GSDMB: variants seen among roughly 807,000 people sequenced by gnomAD.
GSDMB encodes the protein gasdermin B, also known as gasdermin-B.
Under a neutral mutation model 42.9 loss-of-function variants are expected in GSDMB, and 32 were observed. That is an observed-to-expected ratio of 0.75 (90% CI 0.56 to 1.00). The LOEUF (loss-of-function observed/expected upper bound fraction) is 1.00. Ranked by LOEUF, GSDMB falls within the 50% of genes least tolerant of loss-of-function variation. The probability of loss-of-function intolerance (pLI) is 0.00; values close to 1 mark genes in which losing one functional copy is unlikely to be tolerated. For missense variants in GSDMB, 468 were observed against 498.5 expected, an observed-to-expected ratio of 0.94 and a Z score of 0.58; for synonymous variants, 175 against 193.7, an observed-to-expected ratio of 0.90 and a Z score of 0.80.
intron 2 of GSDMB, among the ~76,000 whole-genome samples, chr17:39,915,162 G>C (rs942466788): frequency 6.6e-6 from 1 of 152,100 alleles, no homozygotes; most frequent in Admixed American, 6.5e-5. Context: ...AGTAGAGACA[G>C]GGTTTCGCCA....
At chr17:39,915,251 C>T (rs1486848052) in intron 2 of GSDMB, among the ~76,000 whole-genome samples, 1 of 152,210 alleles carries the variant, frequency 6.6e-6, no homozygotes, top group East Asian at 1.9e-4. Context: ...GGATTACAGG[C>T]GCGAGCCACT....
intron 3 of GSDMB, among the ~76,000 whole-genome samples, chr17:39,912,068 CCTGGGTGAATGAGAAGGCTT>C (rs1598277908): frequency 6.6e-6 from 1 of 152,008 alleles, no homozygotes; most frequent in East Asian, 1.9e-4. Context: ...GGAGACTGCT[CCTGGGTGAATGAGAAGGCTT>C]CTGGAGGCAG....
At chr17:39,917,706 A>C in intron 1 of GSDMB, 1 of 245,558 alleles carries the variant, frequency 4.1e-6, no homozygotes, top group Non-Finnish European at 8.1e-6. Context: ...TATAAGAACT[A>C]ATGATAATGC....
In GSDMB at chr17:39,906,574, G is replaced by A. The variant is rs1157834947; in HGVS notation, c.728-303C>T. ...TTTGGCCCTTGCCATTCAAAGTGCA[G>A]TCCTCAGGCCACACTAGAAGTAATT... On this transcript the variant is annotated intron_variant, in intron 7 of 10. Transcript: ENST00000418519. The A allele has an allele frequency of 2.7e-5, 37 of 1,345,618 alleles. 1 individual carries two copies. The South Asian group carries it at 6.6e-4, about 24-fold the overall frequency. The allele number at this position is 1,345,618 out of a possible 1,614,324, so 83.4% of individuals were successfully genotyped here.
chr17:39,907,793 CTA>C (rs1270527630), intron 6 of GSDMB: 1 of 176,268 alleles, frequency 5.7e-6, no homozygotes, highest in Non-Finnish European at 1.2e-5. Flanking sequence ...GGCTGTAGAG[CTA>C]GTGAGTGGCA....
rs772725417 is a variant in GSDMB at position 39,906,982 on chromosome 17, C to T, written c.706G>A (p.Asp236Asn). The change falls in exon 7 of 11, where the codon GAT becomes AAT. Residue 236 changes from aspartate to asparagine, a missense_variant. Transcript: ENST00000418519. ...TTACCTAAACAGGATGAAGCACCAT[C>T]CTTCTCTGCAGAGAGAGGAAGAGTT... is the stretch of plus-strand genomic sequence containing the variant. ...GKTKSFPEEK[D>N]GASSCLGKSL... 133 of 1,613,958 alleles carry T rather than the reference C, an allele frequency of 8.2e-5. No individual in the cohort carries two copies. The highest frequency in any genetic ancestry group is 1.1e-4 in the Non-Finnish European group (129 of 1,179,968).
At chr17:39,911,631 C>A (rs1384267749) in intron 3 of GSDMB, among the ~76,000 whole-genome samples, 1 of 152,218 alleles carries the variant, frequency 6.6e-6, no homozygotes, top group Non-Finnish European at 1.5e-5. Flanking sequence ...TCGTGCTTCA[C>A]TTCAGCTCTC....
rs998711143 is a variant in GSDMB at position 39,906,229 on chromosome 17, T to G, written c.770A>C (p.Lys257Thr). The change falls in exon 8 of 11, where the codon AAG becomes ACG. Residue 257 changes from lysine to threonine, a missense_variant. Physicochemically the swap from Lys to Thr is moderately conservative, Grantham distance 78 (BLOSUM62 -1). Coordinates refer to ENST00000418519, the MANE Select transcript of GSDMB (RefSeq NM_001165958.2). ...GAGGACACTCTCCATGTCCTCCAAC[T>G]TCTCCTTCATGTTTCTGGAATCCTC... is the stretch of plus-strand genomic sequence containing the variant. ...GSEDSRNMKE[K>T]LEDMESVLKD... 6.2e-7 allele frequency: 1 copy of G among 1,614,056 alleles called. No individual in the cohort carries two copies. Among genetic ancestry groups the G allele is most frequent in the South Asian group, 1.1e-5 (1 of 91,090 alleles).
intron 7 of GSDMB, chr17:39,906,555 C>A: frequency 7.4e-7 from 1 of 1,354,168 alleles, no homozygotes; most frequent in South Asian, 1.8e-5. Context: ...GTTATTTGGC[C>A]CTTGCCATTC....
At chr17:39,916,280 A>T (rs76850552) in intron 2 of GSDMB, among the ~76,000 whole-genome samples, 4 of 119,076 alleles carry the variant, frequency 3.4e-5, no homozygotes, top group Admixed American at 9.7e-5. Context: ...TTCTCATTTG[A>T]TTTTTTTTTT....
Position 39,909,609 on chromosome 17 carries a change from C to T in GSDMB, c.576+147G>A, listed in dbSNP as rs754178503. The T allele has an allele frequency of 6.0e-6, 4 of 670,374 alleles. No individual in the cohort carries two copies. The Admixed American group carries it at 7.9e-5, about 13-fold the overall frequency. The allele number at this position is 670,374 out of a possible 1,614,324, so 41.5% of individuals were successfully genotyped here. Reference sequence around the variant, plus strand: ...TAACAAGGGAAGGACTGGGCAATGCCACCCACCCTTTCTTGGGGCAAGGTG... The same window carrying T: ...TAACAAGGGAAGGACTGGGCAATGCTACCCACCCTTTCTTGGGGCAAGGTG... On this transcript the variant is annotated intron_variant, in intron 4 of 10. Coordinates refer to ENST00000418519, the MANE Select transcript of GSDMB (RefSeq NM_001165958.2).
intron 2 of GSDMB, among the ~76,000 whole-genome samples, chr17:39,916,375 C>T (rs187689103): frequency 8.0e-4 from 120 of 150,434 alleles, no homozygotes; most frequent in African/African-American, 2.5e-3. Context: ...CTGCACCTCC[C>T]GGGTTCAAGC....
chr17:39,912,079 GAGA>G (rs1270801038), intron 3 of GSDMB, among the ~76,000 whole-genome samples: 21 of 152,268 alleles, frequency 1.4e-4, no homozygotes. Context: ...CTGGGTGAAT[GAGA>G]AGGCTTCTGG....
chr17:39,916,277 T>C (rs2063708138), intron 2 of GSDMB, among the ~76,000 whole-genome samples: 1 of 114,426 alleles, frequency 8.7e-6, no homozygotes, highest in Non-Finnish European at 1.7e-5. Context: ...TTGTTCTCAT[T>C]TGATTTTTTT....
intron 2 of GSDMB, among the ~76,000 whole-genome samples, chr17:39,916,173 A>G (rs1252793897): frequency 6.6e-6 from 1 of 152,150 alleles, no homozygotes; most frequent in Non-Finnish European, 1.5e-5. Flanking sequence ...GCCAAGGAAC[A>G]TGAAAGGATA....
At chr17:39,916,280 A>ATTTTTTTTTTTT (rs3076832) in intron 2 of GSDMB, among the ~76,000 whole-genome samples, 1 of 119,116 alleles carries the variant, frequency 8.4e-6, no homozygotes, top group Non-Finnish European at 1.7e-5. Context: ...TTCTCATTTG[A>ATTTTTTTTTTTT]TTTTTTTTTT....
chr17:39,908,783 G>A (rs530154793), intron 5 of GSDMB, among the ~76,000 whole-genome samples, 175 bp downstream of exon 5: 1 of 152,300 alleles, frequency 6.6e-6, no homozygotes, highest in East Asian at 1.9e-4. Context: ...CCAGGTCAGA[G>A]CATGGAGCCT....
intron 2 of GSDMB, among the ~76,000 whole-genome samples, chr17:39,914,041 G>C (rs954946796): frequency 6.6e-6 from 1 of 152,038 alleles, no homozygotes; most frequent in Non-Finnish European, 1.5e-5. Context: ...GAGAGAAAAA[G>C]AAAAATAAAA....
chr17:39,909,052 G>A lies in GSDMB; in HGVS notation c.577-10C>T. The A allele has an allele frequency of 6.4e-7, 1 of 1,561,956 alleles. No homozygotes were observed. Among genetic ancestry groups the A allele is most frequent in the Non-Finnish European group, 8.7e-7 (1 of 1,145,804 alleles). ...TCACTTCCCTTTGGCCCTAGAAAAA[G>A]GAGCTCACATTGACGGATCCCCAGG... On this transcript the variant is annotated splice_polypyrimidine_tract_variant and intron_variant, in intron 4 of 10. Coordinates refer to ENST00000418519, the MANE Select transcript of GSDMB (RefSeq NM_001165958.2).
Sources: allele counts gnomAD v4.1 joint callset (sites outside exome capture counted in the v4.1 genomes callset), GRCh38; gene constraint gnomAD v4.1.1; transcripts MANE v1.5; gene names NCBI Gene and HGNC (gene_info 2026-07-23, HGNC 2026-07-21).